Variants in PRTG observed in about 807,000 individuals in gnomAD.
PRTG encodes immunoglobulin superfamily, DCC subclass, member 5.
PRTG carries 67 observed loss-of-function variants against 122.5 expected under a neutral mutation model. That is an observed-to-expected ratio of 0.55 (90% CI 0.45 to 0.67). The LOEUF (loss-of-function observed/expected upper bound fraction) is 0.67, where lower values mean the gene tolerates loss of function less well. PRTG is among the 30% of genes least tolerant of loss of function. The probability of loss-of-function intolerance (pLI) is 0.00; values close to 1 mark genes in which losing one functional copy is unlikely to be tolerated. For synonymous variants in PRTG, 554 were observed against 501.1 expected (o/e 1.11, Z -1.41); for missense variants, 1,435 against 1,415.4 (o/e 1.01, Z -0.22).
At chr15:55,729,984 T>G (rs1480816518) in intron 2 of PRTG, among the ~76,000 whole-genome samples, 1 of 152,244 alleles carries the variant, frequency 6.6e-6, no homozygotes, top group Non-Finnish European at 1.5e-5. Context: ...AGCAATTTAT[T>G]TTAAAAATCA....
chr15:55,715,014 ACTT>A (rs1451190981), intron 2 of PRTG, among the ~76,000 whole-genome samples: 3 of 152,356 alleles, frequency 2.0e-5, no homozygotes, highest in South Asian at 2.1e-4. Flanking sequence ...ATAATAAATT[ACTT>A]CTTTATTCAA....
intron 16 of PRTG, among the ~76,000 whole-genome samples, 165 bp downstream of exon 16, chr15:55,628,657 T>G (rs2059208723): frequency 6.6e-6 from 1 of 152,204 alleles, no homozygotes; most frequent in African/African-American, 2.4e-5. Context: ...TCTAGGAGTA[T>G]GAGGAAAAGC....
At chr15:55,680,312 A>C in intron 5 of PRTG, 100 bp from the exon 6 acceptor site, 1 of 1,178,062 alleles carries the variant, frequency 8.5e-7, no homozygotes, top group Non-Finnish European at 1.2e-6. Context: ...AAAGTATAAA[A>C]TTAAATATAA....
chr15:55,741,796 A>T (rs913266300), intron 1 of PRTG, among the ~76,000 whole-genome samples: 5 of 152,190 alleles, frequency 3.3e-5, no homozygotes, highest in African/African-American at 1.2e-4. Context: ...GGGCGACGCG[A>T]GCCACCCTAA....
intron 15 of PRTG, among the ~76,000 whole-genome samples, chr15:55,629,971 C>G (rs1268321981): frequency 6.6e-6 from 1 of 151,040 alleles, no homozygotes; most frequent in Non-Finnish European, 1.5e-5. Context: ...GCACCCACCA[C>G]CACACCAGGT....
chr15:55,710,693 T>C (rs1260018405), intron 2 of PRTG, among the ~76,000 whole-genome samples: 1 of 150,874 alleles, frequency 6.6e-6, no homozygotes, highest in Non-Finnish European at 1.5e-5. Context: ...GCCTTCTCTA[T>C]AAACTAAACA....
At chr15:55,641,706 A>G (rs1007186095) in intron 11 of PRTG, among the ~76,000 whole-genome samples, 2 of 152,308 alleles carry the variant, frequency 1.3e-5, no homozygotes, top group African/African-American at 4.8e-5. Context: ...AACTTATATA[A>G]CCATGTTTTG....
chr15:55,670,794 G>T (rs534116447), intron 11 of PRTG, among the ~76,000 whole-genome samples: 2 of 151,958 alleles, frequency 1.3e-5, no homozygotes, highest in Non-Finnish European at 2.9e-5. Flanking sequence ...CCAGCTACTC[G>T]GGAGGCTGAG....
chr15:55,715,223 T>A (rs2030555658), intron 2 of PRTG, among the ~76,000 whole-genome samples: 1 of 152,190 alleles, frequency 6.6e-6, no homozygotes. Context: ...CTCATTTGCA[T>A]CCTTGCCTAA....
intron 12 of PRTG, among the ~76,000 whole-genome samples, chr15:55,640,219 T>C (rs1176835656): frequency 1.3e-5 from 2 of 152,182 alleles, no homozygotes; most frequent in Non-Finnish European, 2.9e-5. Context: ...TTGTACTAAA[T>C]ACTGTGGGCA....
At chr15:55,740,355 T>A (rs761835288) in intron 2 of PRTG, 27 bp downstream of exon 2, 2 of 1,547,532 alleles carry the variant, frequency 1.3e-6, no homozygotes, top group South Asian at 1.2e-5. Flanking sequence ...ATGAAAAATG[T>A]CAACAACTAA....
At chr15:55,638,481 T>A (rs1164206022) in intron 14 of PRTG, 68 bp downstream of exon 14, 4 of 1,247,976 alleles carry the variant, frequency 3.2e-6, no homozygotes, top group African/African-American at 3.1e-5. Context: ...CAGAATGACA[T>A]ACATATTTTT....
chr15:55,700,762 C>T (rs8043521), intron 2 of PRTG, among the ~76,000 whole-genome samples: 33,813 of 151,902 alleles, frequency 0.22, 4,249 homozygotes, highest in African/African-American at 0.34. Flanking sequence ...GCCTAGGCAA[C>T]GGAGACTCTG....
chr15:55,654,310 C>T (rs1369069793), intron 11 of PRTG, among the ~76,000 whole-genome samples: 2 of 151,924 alleles, frequency 1.3e-5, no homozygotes, highest in Non-Finnish European at 2.9e-5. Context: ...CTTAACTGTC[C>T]CAGAATTTAT....
chr15:55,704,842 TAGAC>T (rs566363856), intron 2 of PRTG, among the ~76,000 whole-genome samples: 43 of 152,338 alleles, frequency 2.8e-4, no homozygotes, highest in African/African-American at 8.4e-4. Flanking sequence ...AGGATATATA[TAGAC>T]AGACAGATAG....
At chr15:55,684,034 A>T in intron 2 of PRTG, 103 bp from the exon 3 acceptor site, 1 of 916,436 alleles carries the variant, frequency 1.1e-6, no homozygotes. Context: ...CCTTGCTTGG[A>T]TATAAGACCA....
chr15:55,614,885 T>C lies in PRTG; in HGVS notation c.*5127A>G, dbSNP rs1431404789. On this transcript the variant is annotated 3_prime_UTR_variant, in exon 20 of 20. Transcript: ENST00000389286. The stretch of plus-strand genomic sequence containing the variant: ...AAGAATGTACCTGTTGTGGGCAAAA[T>C]ACTGGCCACCTACAGAAGTCCATGC... 1 of 152,042 alleles carries C rather than the reference T, an allele frequency of 6.6e-6. No homozygotes were observed. Among genetic ancestry groups the C allele is most frequent in the African/African-American group, 2.4e-5 (1 of 41,414 alleles). 9.4% of individuals were successfully genotyped at this position (152,042 alleles called of 1,614,324 possible). A position where few individuals can be genotyped will look rare whatever the true frequency, so the allele number is the denominator to read the frequency against.
rs1318779560 is a variant in PRTG, at chr15:55,740,653, T to C, written c.126A>G (p.Val42=). The C allele has an allele frequency of 1.9e-6, 3 of 1,613,610 alleles. No individual in the cohort carries two copies. The highest frequency in any genetic ancestry group is 2.5e-6 in the Non-Finnish European group (3 of 1,179,866). Residue 42 remains valine, a synonymous_variant, in exon 2 of 20, where the codon GTA becomes GTG. Transcript: ENST00000389286. ...TGACAGTTACATCCTGTGGTTCTTT[T>C]ACAAAAGACAGTTCGCTAAAGCACC... The part of the protein sequence containing the change: ...GVWCFSELSF[V]KEPQDVTVTR...
chr15:55,678,147 A>G (rs1336106312), intron 7 of PRTG, 103 bp from the exon 8 acceptor site: 1 of 704,882 alleles, frequency 1.4e-6, no homozygotes, highest in Non-Finnish European at 2.3e-6. Flanking sequence ...TTATTTTAAA[A>G]TTAAAATTAA....
Sources: gnomAD v4.1 joint callset for allele counts (sites outside exome capture counted in the v4.1 genomes callset) on GRCh38, gnomAD v4.1.1 for gene constraint, MANE v1.5 for transcripts, NCBI Gene and HGNC (gene_info 2026-07-23, HGNC 2026-07-21) for gene names.